The following GALNT14 variants were observed in gnomAD, a reference collection of about 807,000 sequenced individuals.
The protein encoded by GALNT14 is polypeptide N-acetylgalactosaminyltransferase 14.
A neutral mutation model predicts 77.5 loss-of-function variants in GALNT14; 60 were observed. The ratio of observed to expected loss-of-function variants is 0.77; its 90% CI spans 0.63 to 0.96. The LOEUF (loss-of-function observed/expected upper bound fraction) is 0.96, where lower values mean the gene tolerates loss of function less well. GALNT14 is among the 40% of genes least tolerant of loss of function. The pLI, the probability that GALNT14 is intolerant of heterozygous loss-of-function variation, is 0.00. For missense variants in GALNT14, 710 were observed against 731.0 expected, an observed-to-expected ratio of 0.97 and a Z score of 0.33; for synonymous variants, 280 against 281.7, an observed-to-expected ratio of 0.99 and a Z score of 0.06.
In GALNT14 at chr2:30,938,384, A is replaced by ACACACACACACACT. The variant is rs1174119035; in HGVS notation, c.931+3816_931+3817insAGTGTGTGTGTGTG. On this transcript the variant is annotated intron_variant, in intron 9 of 14. Transcript: ENST00000349752. The stretch of plus-strand genomic sequence containing the variant: ...TACACACACACACACACACACACAC[A>ACACACACACACACT]CTCTCTCTCTCTCTCTCTCTCTCTA... 5.6e-5 allele frequency among the ~76,000 whole-genome samples: 8 copies of ACACACACACACACT among 141,784 alleles called. No individual in the cohort carries two copies. The East Asian group carries it at 8.2e-4, about 14-fold the overall frequency. 93.0% of individuals were successfully genotyped at this position (141,784 alleles called of 152,430 possible).
intron 13 of GALNT14, among the ~76,000 whole-genome samples, chr2:30,923,290 CG>C (rs990750539): frequency 6.6e-6 from 1 of 152,036 alleles, no homozygotes; most frequent in African/African-American, 2.4e-5. Flanking sequence ...TCTTGAACTC[CG>C]GACCTTAGGT....
chr2:31,006,377 C>T (rs1670675692), intron 1 of GALNT14, among the ~76,000 whole-genome samples: 2 of 152,050 alleles, frequency 1.3e-5, no homozygotes, highest in South Asian at 4.2e-4. Flanking sequence ...GCGTTTACTA[C>T]ACACCAGGCT....
At chr2:30,924,067 T>C in intron 13 of GALNT14, 52 bp downstream of exon 13, 1 of 1,606,472 alleles carries the variant, frequency 6.2e-7, no homozygotes. Context: ...GTCATCTGGC[T>C]GCCTCCCTCT....
chr2:31,049,917 A>C (rs981130099), intron 1 of GALNT14, among the ~76,000 whole-genome samples: 1 of 152,216 alleles, frequency 6.6e-6, no homozygotes, highest in African/African-American at 2.4e-5. Flanking sequence ...CTGTGAAATG[A>C]AATTCTTGGG....
intron 9 of GALNT14, among the ~76,000 whole-genome samples, chr2:30,938,450 G>A (rs1389927455): frequency 6.6e-6 from 1 of 151,278 alleles, no homozygotes; most frequent in African/African-American, 2.4e-5. Flanking sequence ...GCTAAAAGTA[G>A]GATGCAGCTC....
At chr2:31,124,493 G>A (rs1202857899) in intron 1 of GALNT14, among the ~76,000 whole-genome samples, 1 of 152,176 alleles carries the variant, frequency 6.6e-6, no homozygotes, top group Non-Finnish European at 1.5e-5. Context: ...TGTTGGGCAA[G>A]ATATTGGACC....
chr2:30,914,785 C>T (rs1018785981), intron 13 of GALNT14, among the ~76,000 whole-genome samples: 5 of 152,162 alleles, frequency 3.3e-5, no homozygotes, highest in African/African-American at 9.7e-5. Context: ...ATGAGACCCA[C>T]GCAGGGTTTT....
chr2:30,937,583 G>A (rs1000688442), intron 9 of GALNT14, among the ~76,000 whole-genome samples: 2 of 152,164 alleles, frequency 1.3e-5, no homozygotes, highest in African/African-American at 2.4e-5. Context: ...CCCTCCAGCA[G>A]CCGTGGTCGG....
At chr2:30,988,410 C>T (rs1415963919) in intron 2 of GALNT14, among the ~76,000 whole-genome samples, 1 of 152,144 alleles carries the variant, frequency 6.6e-6, no homozygotes, top group African/African-American at 2.4e-5. Flanking sequence ...GTAGGAGCTT[C>T]TCGGTAGAGG....
At chr2:30,912,781 T>C (rs149565307) in intron 13 of GALNT14, among the ~76,000 whole-genome samples, 10 of 152,246 alleles carry the variant, frequency 6.6e-5, no homozygotes, top group Non-Finnish European at 1.2e-4. Flanking sequence ...CTCTCCCCTG[T>C]TCTTTGAAAG....
Position 30,912,313 on chromosome 2 carries a change from G to C in GALNT14, c.1410C>G (p.Ile470Met). 6.2e-7 allele frequency: 1 copy of C among 1,614,156 alleles called. No homozygotes were observed. Among genetic ancestry groups the C allele is most frequent in the Non-Finnish European group, 8.5e-7 (1 of 1,180,016 alleles). Residue 470 changes from isoleucine to methionine, a missense_variant, in exon 14 of 15, where the codon ATC (isoleucine) becomes ATG (methionine). Physicochemically the swap from Ile to Met is conservative, Grantham distance 10. Transcript: ENST00000349752. ...CTGACAGGCACAGCTCCTCCTGGAGGATCTGCTGGGTGTATGTGAAGGCCC... is the reference window on the plus strand; with the variant it reads ...CTGACAGGCACAGCTCCTCCTGGAGCATCTGCTGGGTGTATGTGAAGGCCC... ...QVWAFTYTQQ[I>M]LQEELCLSVI...
At chr2:30,938,384 A>ACACACACACACACTCTCT (rs1174119035) in intron 9 of GALNT14, among the ~76,000 whole-genome samples, 9 of 141,782 alleles carry the variant, frequency 6.3e-5, no homozygotes, top group African/African-American at 2.4e-4. Context: ...ACACACACAC[A>ACACACACACACACTCTCT]CTCTCTCTCT....
chr2:31,037,535 G>A (rs972815614), intron 1 of GALNT14, among the ~76,000 whole-genome samples: 1 of 152,112 alleles, frequency 6.6e-6, no homozygotes, highest in Non-Finnish European at 1.5e-5. Context: ...TCCCCTCTTT[G>A]TAGAAGTCAT....
intron 1 of GALNT14, among the ~76,000 whole-genome samples, chr2:31,050,158 C>G (rs1224692296): frequency 6.6e-6 from 1 of 152,208 alleles, no homozygotes. Flanking sequence ...GCCAGCATGA[C>G]TACTCCTTAA....
intron 13 of GALNT14, among the ~76,000 whole-genome samples, chr2:30,916,205 T>G (rs535589307): frequency 6.6e-6 from 1 of 152,238 alleles, no homozygotes; most frequent in South Asian, 2.1e-4. Context: ...TGTCTTTAGA[T>G]GAATGCACAC....
intron 1 of GALNT14, among the ~76,000 whole-genome samples, chr2:31,102,576 T>A (rs1386279130): frequency 6.6e-6 from 1 of 152,196 alleles, no homozygotes; most frequent in East Asian, 1.9e-4. Flanking sequence ...TAATAGATGG[T>A]CAATATTTGT....
chr2:31,083,405 TC>T (rs2148587172), intron 1 of GALNT14, among the ~76,000 whole-genome samples: 1 of 152,284 alleles, frequency 6.6e-6, no homozygotes, highest in South Asian at 2.1e-4. Flanking sequence ...ATGTAGTGAA[TC>T]GATAATCATT....
chr2:31,061,979 A>G (rs1035435255), intron 1 of GALNT14, among the ~76,000 whole-genome samples: 11 of 152,168 alleles, frequency 7.2e-5, no homozygotes, highest in Non-Finnish European at 1.5e-4. Flanking sequence ...CCGGCATTTA[A>G]TATAGTGCCT....
intron 6 of GALNT14, among the ~76,000 whole-genome samples, chr2:30,950,798 C>G (rs913495477): frequency 6.6e-6 from 1 of 152,168 alleles, no homozygotes; most frequent in African/African-American, 2.4e-5. Flanking sequence ...AGCAGGCAGA[C>G]ATTGCTCACA....
Sources: allele counts gnomAD v4.1 joint callset (sites outside exome capture counted in the v4.1 genomes callset), GRCh38; gene constraint gnomAD v4.1.1; transcripts MANE v1.5; gene names NCBI Gene and HGNC (gene_info 2026-07-23, HGNC 2026-07-21).